DIS3L2: variants seen among roughly 807,000 people sequenced by gnomAD.
DIS3L2 encodes the protein DIS3 like 3'-5' exoribonuclease 2.
In DIS3L2, 34 loss-of-function variants were observed where a neutral mutation model predicts 97.5. The ratio of observed to expected loss-of-function variants is 0.35; its 90% CI spans 0.27 to 0.46. DIS3L2 has a LOEUF of 0.46. DIS3L2 is among the 20% of genes least tolerant of loss of function. DIS3L2 has a pLI of 1.00. For missense variants in DIS3L2, 1,038 were observed against 1,146.0 expected (o/e 0.91, Z 1.36); for synonymous variants, 435 against 445.2 (o/e 0.98, Z 0.29).
chr2:232,171,589 G>A (rs980158071), intron 9 of DIS3L2, among the ~76,000 whole-genome samples: 1 of 152,092 alleles, frequency 6.6e-6, no homozygotes, highest in Non-Finnish European at 1.5e-5. Flanking sequence ...TCAGTTCTTC[G>A]ATGGCCAAGG....
chr2:232,235,661 T>C (rs1002216364), intron 10 of DIS3L2, among the ~76,000 whole-genome samples: 1 of 152,232 alleles, frequency 6.6e-6, no homozygotes, highest in Non-Finnish European at 1.5e-5. Flanking sequence ...TTATGGTTTA[T>C]ATCATGATGT....
At chr2:232,272,252 CTG>C (rs759533833) in intron 13 of DIS3L2, among the ~76,000 whole-genome samples, 76 of 152,196 alleles carry the variant, frequency 5.0e-4, no homozygotes, top group Non-Finnish European at 1.6e-4. Flanking sequence ...GGGTTGCTTC[CTG>C]TGTGTTACAA....
intron 1 of DIS3L2, among the ~76,000 whole-genome samples, chr2:232,000,876 TTTTG>T (rs1553599773): frequency 6.6e-5 from 10 of 151,498 alleles, no homozygotes; most frequent in South Asian, 2.1e-4. Flanking sequence ...TTCCTTTTTT[TTTTG>T]TTTGTTTGTT....
Position 232,077,991 on chromosome 2 carries a change from TTC to T in DIS3L2, c.367-9494_367-9493del, listed in dbSNP as rs771783263. Among the ~76,000 whole-genome samples the T allele has an allele frequency of 2.0e-3, 292 of 143,170 alleles. 1 individual carries two copies. Among genetic ancestry groups the T allele is most frequent in the Non-Finnish European group, 2.9e-3 (190 of 66,564 alleles). 93.9% of individuals were successfully genotyped at this position (143,170 alleles called of 152,430 possible). ...TTTCTTTCTTTCTTTCTTTCTTTCTTTCTTTCTTTCTTTCTTTCTTTCTTTCT... is the reference window on the plus strand; with the variant it reads ...TTTCTTTCTTTCTTTCTTTCTTTCTTTTTCTTTCTTTCTTTCTTTCTTTCT... On this transcript the variant is annotated intron_variant, in intron 5 of 20. Coordinates refer to ENST00000325385, the MANE Select transcript of DIS3L2 (RefSeq NM_152383.5).
At chr2:231,980,321 A>G (rs757743669) in intron 1 of DIS3L2, among the ~76,000 whole-genome samples, 4 of 152,230 alleles carry the variant, frequency 2.6e-5, no homozygotes, top group Non-Finnish European at 4.4e-5. Context: ...GCATCTTTCC[A>G]TAAGCTCATT....
rs73092142 is a variant in DIS3L2, at chr2:232,323,056, C to T, written c.1740-6757C>T. On this transcript the variant is annotated intron_variant, in intron 14 of 20. Coordinates refer to ENST00000325385, the MANE Select transcript of DIS3L2 (RefSeq NM_152383.5). ...CCCCAGGTGGCCAGGCTTCTGTGTG[C>T]CCGTGCCACCCCTCCTCAGGACCTT... Among the ~76,000 whole-genome samples, 281 of 152,356 alleles carry T rather than the reference C, an allele frequency of 1.8e-3. 2 individuals are homozygous for T. Among genetic ancestry groups the T allele is most frequent in the African/African-American group, 6.5e-3 (270 of 41,592 alleles).
At chr2:232,334,274 T>A in intron 17 of DIS3L2, 95 bp from the exon 18 acceptor site, 1 of 1,450,200 alleles carries the variant, frequency 6.9e-7, no homozygotes, top group Non-Finnish European at 9.3e-7. Context: ...TCCTAATCTG[T>A]CGGCGGGGGT....
At chr2:232,000,633 C>T (rs138466146) in intron 1 of DIS3L2, among the ~76,000 whole-genome samples, 1 of 118,824 alleles carries the variant, frequency 8.4e-6, no homozygotes, top group Non-Finnish European at 1.9e-5. Flanking sequence ...CTTTCCTTTC[C>T]TTTCCTTTCC....
At chr2:232,342,266 CAT>C (rs1028298546) in intron 13 of DIS3L2, among the ~76,000 whole-genome samples, 36 of 144,894 alleles carry the variant, frequency 2.5e-4, no homozygotes, top group Non-Finnish European at 3.5e-4. Flanking sequence ...CACACATACA[CAT>C]ATACATATAT....
chr2:232,225,264 T>C (rs1419996238), intron 10 of DIS3L2, among the ~76,000 whole-genome samples: 1 of 152,156 alleles, frequency 6.6e-6, no homozygotes, highest in Non-Finnish European at 1.5e-5. Context: ...TAGAAAGGTG[T>C]ATATATGTAC....
chr2:232,054,344 A>G (rs184709422), intron 5 of DIS3L2, among the ~76,000 whole-genome samples: 2 of 152,360 alleles, frequency 1.3e-5, no homozygotes, highest in Admixed American at 6.5e-5. Flanking sequence ...AAATGGATCC[A>G]TAGAGGCTTA....
chr2:232,110,093 T>TA (rs201975341), intron 6 of DIS3L2, among the ~76,000 whole-genome samples: 3,166 of 151,932 alleles, frequency 0.021, 97 homozygotes, highest in African/African-American at 0.071. Flanking sequence ...CCAACATTTG[T>TA]AAAAAAAAGC....
At chr2:231,962,667 C>T (rs1692601289) in intron 1 of DIS3L2, among the ~76,000 whole-genome samples, 1 of 152,066 alleles carries the variant, frequency 6.6e-6, no homozygotes, top group Non-Finnish European at 1.5e-5. Flanking sequence ...GATCTCTTGA[C>T]CTCGTGATCC....
At chr2:232,260,546 T>G (rs1693688069) in intron 12 of DIS3L2, 2 of 152,276 alleles carry the variant, frequency 1.3e-5, no homozygotes, top group Non-Finnish European at 2.9e-5. Context: ...TGTGAGATTA[T>G]TTGAATCCCT....
chr2:232,210,222 A>G (rs1240657999), intron 9 of DIS3L2, 104 bp from the exon 10 acceptor site: 1 of 868,100 alleles, frequency 1.2e-6, no homozygotes, highest in East Asian at 2.6e-5. Context: ...ACTTTCCCTA[A>G]CAGAGCACAT....
intron 8 of DIS3L2, among the ~76,000 whole-genome samples, chr2:232,158,306 C>CGTGTGTGTGT (rs111880090): frequency 6.6e-6 from 1 of 150,492 alleles, no homozygotes; most frequent in Non-Finnish European, 1.5e-5. Flanking sequence ...TCCTTTATAT[C>CGTGTGTGTGT]GTGTGTGTGT....
rs117317370 is a variant in DIS3L2, at chr2:232,161,510, G to A, written c.951-1949G>A. Among the ~76,000 whole-genome samples the A allele has an allele frequency of 2.3e-3, 342 of 151,830 alleles. 6 individuals carry two copies. In the East Asian group the frequency reaches 0.054, roughly 24 times the overall value. On this transcript the variant is annotated intron_variant, in intron 8 of 20. Coordinates refer to ENST00000325385, the MANE Select transcript of DIS3L2 (RefSeq NM_152383.5). ...TTTTGAGATAGCATCTCGCTCTGTC[G>A]CCCAGCCTGCAGTGCAGTAATGCCA... is the stretch of plus-strand genomic sequence containing the variant.
intron 11 of DIS3L2, among the ~76,000 whole-genome samples, chr2:232,239,926 A>G (rs1693032678): frequency 6.6e-6 from 1 of 152,236 alleles, no homozygotes; most frequent in South Asian, 2.1e-4. Flanking sequence ...CTTTGAGTGC[A>G]GCCATATCCT....
downstream of DIS3L2, chr2:232,339,648 T>C (rs574008201): frequency 4.4e-4 from 197 of 452,818 alleles, no homozygotes; most frequent in East Asian, 2.7e-3. Flanking sequence ...GAACAAGGCC[T>C]ACAAGGATCT....
Sources: gnomAD v4.1 joint callset for allele counts (sites outside exome capture counted in the v4.1 genomes callset) on GRCh38, gnomAD v4.1.1 for gene constraint, MANE v1.5 for transcripts, NCBI Gene and HGNC (gene_info 2026-07-23, HGNC 2026-07-21) for gene names.